Variants in MAPKAP1 observed in about 807,000 individuals in gnomAD.
The protein encoded by MAPKAP1 is target of rapamycin complex 2 subunit MAPKAP1.
Under a neutral mutation model 65.7 loss-of-function variants are expected in MAPKAP1, and 20 were observed. The ratio of observed to expected loss-of-function variants is 0.30; its 90% CI spans 0.21 to 0.44. MAPKAP1 has a LOEUF of 0.44. MAPKAP1 is among the 20% of genes least tolerant of loss of function. MAPKAP1 has a pLI of 1.00. For missense variants in MAPKAP1, 423 were observed against 648.0 expected (o/e 0.65, Z 3.77); for synonymous variants, 222 against 244.3 (o/e 0.91, Z 0.85).
chr9:125,446,526 C>T (rs930987360), intron 10 of MAPKAP1, among the ~76,000 whole-genome samples: 1 of 152,128 alleles, frequency 6.6e-6, no homozygotes, highest in Non-Finnish European at 1.5e-5. Context: ...AGAATCTTGT[C>T]GGTGACATCC....
Position 125,707,087 on chromosome 9 carries a change from C to G in MAPKAP1, c.-186G>C, listed in dbSNP as rs1835786531. 1 of 398,146 alleles carries G rather than the reference C, an allele frequency of 2.5e-6. No individual in the cohort carries two copies. The highest frequency in any genetic ancestry group is 2.1e-5 in the African/African-American group (1 of 48,744). The allele number at this position is 398,146 out of a possible 1,614,324, so 24.7% of individuals were successfully genotyped here. A position where few individuals can be genotyped will look rare whatever the true frequency, so the allele number is the denominator to read the frequency against. ...CCGAGCTCTGCACTCTCGGGATCCA[C>G]GGGGACCGGCGCTCCTCCCGGCCCG... On this transcript the variant is annotated 5_prime_UTR_variant, in exon 1 of 12. Transcript: ENST00000265960.
chr9:125,667,494 T>C (rs1834375183), intron 3 of MAPKAP1, among the ~76,000 whole-genome samples: 1 of 151,944 alleles, frequency 6.6e-6, no homozygotes, highest in Admixed American at 6.6e-5. Flanking sequence ...TAATTTATAT[T>C]TTTAGTTGAG....
At chr9:125,705,460 C>T (rs570892678) in intron 1 of MAPKAP1, among the ~76,000 whole-genome samples, 32 of 152,158 alleles carry the variant, frequency 2.1e-4, no homozygotes, top group Non-Finnish European at 2.6e-4. Context: ...ATTCCCCTCC[C>T]GCACCTACCA....
intron 7 of MAPKAP1, among the ~76,000 whole-genome samples, chr9:125,522,522 C>G (rs1829649581): frequency 6.6e-6 from 1 of 152,202 alleles, no homozygotes; most frequent in African/African-American, 2.4e-5. Context: ...TCTTAGCCTT[C>G]CCCCTTGTTG....
At position 125,447,230 on chromosome 9, in the gene MAPKAP1, A is replaced by G. The variant is rs569926221; in HGVS notation, c.1346-2632T>C. 1 of 366,044 alleles carries G rather than the reference A, an allele frequency of 2.7e-6. No individual in the cohort carries two copies. Among genetic ancestry groups the G allele is most frequent in the Non-Finnish European group, 5.5e-6 (1 of 180,218 alleles). The allele number at this position is 366,044 out of a possible 1,614,324, so 22.7% of individuals were successfully genotyped here. A position where few individuals can be genotyped will look rare whatever the true frequency, so the allele number is the denominator to read the frequency against. The stretch of plus-strand genomic sequence containing the variant: ...GCTCATTCCAGCACCCATCTGAGGA[A>G]GAGTGAAGCAGGTGAGGAGGAGGAA... On this transcript the variant is annotated intron_variant, in intron 10 of 11. Coordinates refer to ENST00000265960, the MANE Select transcript of MAPKAP1 (RefSeq NM_001006617.3). This position sits in a 1 kb window ranked among gnomAD's most constrained non-coding sequence, Gnocchi z 4.5.
intron 7 of MAPKAP1, among the ~76,000 whole-genome samples, chr9:125,537,956 T>C (rs1275084584): frequency 6.6e-6 from 1 of 152,146 alleles, no homozygotes; most frequent in African/African-American, 2.4e-5. Context: ...CCCATGGCCT[T>C]GAGTGCCCAG....
intron 4 of MAPKAP1, among the ~76,000 whole-genome samples, chr9:125,599,050 A>G (rs1444896383): frequency 2.6e-5 from 4 of 151,166 alleles, no homozygotes; most frequent in Non-Finnish European, 5.9e-5. Context: ...AAAAAAAAAG[A>G]CTTCATGTAA....
intron 5 of MAPKAP1, among the ~76,000 whole-genome samples, chr9:125,570,935 T>C (rs973804880): frequency 6.6e-6 from 1 of 151,452 alleles, no homozygotes; most frequent in Non-Finnish European, 1.5e-5. Flanking sequence ...AAAAAAAAAA[T>C]GTAAAGGGTT....
intron 1 of MAPKAP1, among the ~76,000 whole-genome samples, chr9:125,686,884 G>A (rs1473129101): frequency 1.3e-5 from 2 of 151,830 alleles, no homozygotes; most frequent in Admixed American, 6.6e-5. Context: ...TGAGGTGCAG[G>A]AGCATGATCT....
intron 7 of MAPKAP1, among the ~76,000 whole-genome samples, chr9:125,512,581 T>A (rs1442966665): frequency 3.3e-5 from 5 of 149,392 alleles, no homozygotes; most frequent in Admixed American, 2.0e-4. Flanking sequence ...TGTATACATA[T>A]TTTTTTTTTG....
intron 1 of MAPKAP1, among the ~76,000 whole-genome samples, chr9:125,676,181 T>G (rs1414883868): frequency 6.6e-6 from 1 of 152,220 alleles, no homozygotes; most frequent in Non-Finnish European, 1.5e-5. Flanking sequence ...TGGGACTTTT[T>G]AGACGGTAAT....
intron 4 of MAPKAP1, among the ~76,000 whole-genome samples, chr9:125,642,073 C>T (rs1263613057): frequency 6.6e-6 from 1 of 151,812 alleles, no homozygotes; most frequent in Non-Finnish European, 1.5e-5. Flanking sequence ...GGTGTGGTGG[C>T]ATGCACCTAT....
intron 7 of MAPKAP1, among the ~76,000 whole-genome samples, chr9:125,523,846 C>T (rs185779073): frequency 8.4e-4 from 128 of 152,290 alleles, no homozygotes; most frequent in Non-Finnish European, 1.5e-3. Flanking sequence ...TGCAGTTCCC[C>T]CGCTGTCCTT....
Position 125,439,121 on chromosome 9 carries a change from G to C in MAPKAP1, c.1444-109C>G. The C allele has an allele frequency of 7.7e-7, 1 of 1,291,750 alleles. No homozygotes were observed. The highest frequency in any genetic ancestry group is 1.1e-6 in the Non-Finnish European group (1 of 935,880). 80.0% of individuals were successfully genotyped at this position (1,291,750 alleles called of 1,614,324 possible). A position where few individuals can be genotyped will look rare whatever the true frequency, so the allele number is the denominator to read the frequency against. ...CCTGACCTGGGCCGGGTGCCTCAGG[G>C]CCAGGTGCTGTCGTGTGGAAGGAGT... On this transcript the variant is annotated intron_variant, in intron 11 of 11. Coordinates refer to ENST00000265960, the MANE Select transcript of MAPKAP1 (RefSeq NM_001006617.3). This position sits in a 1 kb window ranked among gnomAD's most constrained non-coding sequence, Gnocchi z 4.0.
rs1428202390 is a variant in MAPKAP1, at chr9:125,693,856, C to T, written c.-70+13115G>A. On this transcript the variant is annotated intron_variant, in intron 1 of 11. Transcript: ENST00000265960. ...ATATATATACACACATACACACACA[C>T]ACACACACACACACACATATATATA... Among the ~76,000 whole-genome samples the T allele has an allele frequency of 4.0e-5, 6 of 150,644 alleles. No homozygotes were observed. In the East Asian group the frequency reaches 7.8e-4, roughly 20 times the overall value.
chr9:125,592,313 A>G (rs113194530), intron 4 of MAPKAP1, among the ~76,000 whole-genome samples: 29 of 152,210 alleles, frequency 1.9e-4, no homozygotes, highest in Non-Finnish European at 4.0e-4. Context: ...TAACCAAGAA[A>G]AAGATGCTTA....
At chr9:125,444,415 T>G in intron 11 of MAPKAP1, 86 bp downstream of exon 11, 1 of 1,003,304 alleles carries the variant, frequency 1.0e-6, no homozygotes, top group African/African-American at 1.6e-5. Context: ...AGCTGCGGAG[T>G]GGGTGGGGCT....
chr9:125,650,448 A>G (rs1459448004), intron 4 of MAPKAP1: 1 of 152,172 alleles, frequency 6.6e-6, no homozygotes, highest in Non-Finnish European at 1.5e-5. Flanking sequence ...TGGTTCCTCA[A>G]AATTGCCAAA....
intron 7 of MAPKAP1, among the ~76,000 whole-genome samples, chr9:125,511,012 A>C (rs1368538556): frequency 6.6e-6 from 1 of 152,088 alleles, no homozygotes; most frequent in Admixed American, 6.5e-5. Flanking sequence ...GGCCAACTTA[A>C]CCTCTCAGTT....
Sources: allele counts gnomAD v4.1 joint callset (sites outside exome capture counted in the v4.1 genomes callset), GRCh38; gene constraint gnomAD v4.1.1; non-coding constraint Gnocchi (gnomAD v3.1); transcripts MANE v1.5; gene names NCBI Gene and HGNC (gene_info 2026-07-23, HGNC 2026-07-21).